DENND4A: variants seen among roughly 807,000 people sequenced by gnomAD.
The protein encoded by DENND4A is C-myc promoter-binding protein.
In DENND4A, 70 loss-of-function variants were observed where a neutral mutation model predicts 199.3. The observed-to-expected ratio is 0.35, with a 90% CI of 0.29 to 0.43. The LOEUF (loss-of-function observed/expected upper bound fraction) is 0.43. Among genes scored for constraint, DENND4A ranks in the 20% least tolerant of loss-of-function variants. The pLI, the probability that DENND4A is intolerant of heterozygous loss-of-function variation, is 1.00. For synonymous variants in DENND4A, 686 were observed against 766.9 expected (o/e 0.89, Z 1.74); for missense variants, 1,723 against 2,255.8 (o/e 0.76, Z 4.78).
chr15:65,770,650 T>C (rs1444823235), intron 1 of DENND4A, among the ~76,000 whole-genome samples: 1 of 152,160 alleles, frequency 6.6e-6, no homozygotes, highest in Admixed American at 6.5e-5. Context: ...AAAGTTAAAG[T>C]TTTTGTTTTT....
At chr15:65,672,235 A>G (rs1056608567) in intron 24 of DENND4A, among the ~76,000 whole-genome samples, 9 of 152,314 alleles carry the variant, frequency 5.9e-5, no homozygotes, top group Non-Finnish European at 7.4e-5. Context: ...ACAGGAAAGT[A>G]TTTAGTTCCA....
intron 24 of DENND4A, among the ~76,000 whole-genome samples, chr15:65,675,925 C>T (rs2076360178): frequency 6.6e-6 from 1 of 151,864 alleles, no homozygotes; most frequent in African/African-American, 2.4e-5. Context: ...AACTTGACAT[C>T]CATTAATAGG....
intron 1 of DENND4A, among the ~76,000 whole-genome samples, chr15:65,786,319 G>C (rs2077565520): frequency 6.6e-6 from 1 of 152,058 alleles, no homozygotes; most frequent in Admixed American, 6.5e-5. Flanking sequence ...AAAAAAGCAA[G>C]CTTTAAAATC....
chr15:65,688,299 G>C (rs191472224), intron 23 of DENND4A, among the ~76,000 whole-genome samples: 2 of 152,160 alleles, frequency 1.3e-5, no homozygotes, highest in African/African-American at 4.8e-5. Flanking sequence ...ACCAGTTATG[G>C]AAGCTGCTTT....
At chr15:65,781,740 T>C (rs967411282) in intron 1 of DENND4A, among the ~76,000 whole-genome samples, 2 of 152,208 alleles carry the variant, frequency 1.3e-5, no homozygotes, top group African/African-American at 2.4e-5. Context: ...TTTGGAAAGA[T>C]ACTGATGCTG....
chr15:65,709,818 G>A (rs2075191519), intron 14 of DENND4A, among the ~76,000 whole-genome samples: 1 of 145,980 alleles, frequency 6.9e-6, no homozygotes, highest in South Asian at 2.1e-4. Context: ...ATGTTTTAAT[G>A]CATTAATTTT....
At position 65,659,330 on chromosome 15, in the gene DENND4A, T is replaced by TTTG. The variant is rs1252948668; in HGVS notation, c.*2520_*2521insCAA. 8.0e-6 allele frequency: 1 copy of TTTG among 125,380 alleles called. No individual in the cohort carries two copies. Among genetic ancestry groups the TTTG allele is most frequent in the African/African-American group, 2.9e-5 (1 of 34,454 alleles). The allele number at this position is 125,380 out of a possible 1,614,324, so 7.8% of individuals were successfully genotyped here. A position where few individuals can be genotyped will look rare whatever the true frequency, so the allele number is the denominator to read the frequency against. ...ATGATTGATATTTTCTGGTTTTTTTTTTTTTTTTTTTTTTTTTTTTTGAGA... is the reference window on the plus strand; with the variant it reads ...ATGATTGATATTTTCTGGTTTTTTTTTTGTTTTTTTTTTTTTTTTTTTTTGAGA... On this transcript the variant is annotated 3_prime_UTR_variant, in exon 33 of 33. Coordinates refer to ENST00000443035, the MANE Select transcript of DENND4A (RefSeq NM_001320835.1).
At chr15:65,684,335 A>G (rs980923553) in intron 23 of DENND4A, among the ~76,000 whole-genome samples, 3 of 152,184 alleles carry the variant, frequency 2.0e-5, no homozygotes, top group African/African-American at 7.2e-5. Flanking sequence ...ATTCCCAACC[A>G]AAAAAGTATG....
intron 29 of DENND4A, among the ~76,000 whole-genome samples, chr15:65,665,685 C>T (rs781167350): frequency 5.9e-5 from 9 of 152,060 alleles, no homozygotes; most frequent in Non-Finnish European, 1.3e-4. Context: ...ACTTGAGATC[C>T]GTGAGAAAGG....
intron 1 of DENND4A, among the ~76,000 whole-genome samples, chr15:65,767,655 G>A (rs890898354): frequency 4.6e-5 from 7 of 152,150 alleles, no homozygotes; most frequent in African/African-American, 1.7e-4. Flanking sequence ...CGAGTACCAT[G>A]GGATGGTCAG....
intron 1 of DENND4A, among the ~76,000 whole-genome samples, chr15:65,773,187 T>C (rs950928514): frequency 2.6e-5 from 4 of 152,166 alleles, no homozygotes; most frequent in African/African-American, 9.7e-5. Context: ...AGTCTGGTTC[T>C]CTAGTCTTCT....
intron 23 of DENND4A, among the ~76,000 whole-genome samples, chr15:65,688,716 T>G (rs2076876410): frequency 6.6e-6 from 1 of 152,218 alleles, no homozygotes; most frequent in East Asian, 1.9e-4. Context: ...AATATGGGGT[T>G]TCTCTTGAAG....
intron 1 of DENND4A, among the ~76,000 whole-genome samples, chr15:65,773,999 C>T (rs1238824540): frequency 6.6e-6 from 1 of 152,208 alleles, no homozygotes; most frequent in African/African-American, 2.4e-5. Flanking sequence ...AGGCATTCTG[C>T]CAACTGCCTA....
At position 65,737,624 on chromosome 15, in the gene DENND4A, A is replaced by T. The variant is rs961983361; in HGVS notation, c.1040+83T>A. The T allele has an allele frequency of 6.5e-6, 9 of 1,377,228 alleles. No homozygotes were observed. The African/African-American group carries it at 1.2e-4, about 18-fold the overall frequency. 85.3% of individuals were successfully genotyped at this position (1,377,228 alleles called of 1,614,324 possible). A position where few individuals can be genotyped will look rare whatever the true frequency, so the allele number is the denominator to read the frequency against. On this transcript the variant is annotated intron_variant, in intron 7 of 32. Coordinates refer to ENST00000443035, the MANE Select transcript of DENND4A (RefSeq NM_001320835.1). ...AACTCTTGAGAAATCTAGTATCCAT[A>T]TAAAATTTACCCAGTTGCCGACACA...
chr15:65,762,970 T>C (rs138769828), intron 1 of DENND4A, among the ~76,000 whole-genome samples: 131 of 152,284 alleles, frequency 8.6e-4, no homozygotes, highest in Middle Eastern at 3.4e-3. Context: ...ATAAGCAATG[T>C]CATATTACAG....
At chr15:65,662,773 G>A (rs1358481579) in intron 32 of DENND4A, among the ~76,000 whole-genome samples, 5 of 152,150 alleles carry the variant, frequency 3.3e-5, no homozygotes, top group East Asian at 1.9e-4. Context: ...GGGAGGTGAC[G>A]GACCTAAGAA....
intron 14 of DENND4A, among the ~76,000 whole-genome samples, chr15:65,710,591 A>C (rs879532319): frequency 6.6e-6 from 1 of 152,242 alleles, no homozygotes; most frequent in Non-Finnish European, 1.5e-5. Flanking sequence ...TACAAAAAAA[A>C]ACCCACAATT....
rs575157590 is a variant in DENND4A at position 65,755,572 on chromosome 15, C to A, written c.311+568G>T. Among the ~76,000 whole-genome samples, 274 of 152,004 alleles carry A rather than the reference C, an allele frequency of 1.8e-3. 2 individuals are homozygous for A. The Middle Eastern group carries it at 0.024, about 13-fold the overall frequency. On this transcript the variant is annotated intron_variant, in intron 3 of 32. Coordinates refer to ENST00000443035, the MANE Select transcript of DENND4A (RefSeq NM_001320835.1). Reference sequence around the variant, plus strand: ...CTTGAGGCCAGGAGTTTGAGACTAGCCTGGGCAACATAGCAAGACCCTGTC... The same window carrying A: ...CTTGAGGCCAGGAGTTTGAGACTAGACTGGGCAACATAGCAAGACCCTGTC...
intron 1 of DENND4A, among the ~76,000 whole-genome samples, chr15:65,770,583 C>T (rs371028748): frequency 3.9e-5 from 6 of 152,104 alleles, no homozygotes; most frequent in Admixed American, 6.5e-5. Flanking sequence ...TGGAATATAA[C>T]GGCAATATTA....
Sources: allele counts gnomAD v4.1 joint callset (sites outside exome capture counted in the v4.1 genomes callset), GRCh38; gene constraint gnomAD v4.1.1; transcripts MANE v1.5; gene names NCBI Gene and HGNC (gene_info 2026-07-23, HGNC 2026-07-21).